RNASE11: variants seen among roughly 807,000 people sequenced by gnomAD.
The protein encoded by RNASE11 is ribonuclease A family member 11 (inactive), also known as putative inactive ribonuclease 11.
For missense variants in RNASE11, 252 were observed against 237.8 expected, an observed-to-expected ratio of 1.06 and a Z score of -0.39; for synonymous variants, 105 against 86.1, an observed-to-expected ratio of 1.22 and a Z score of -1.21.
At chr14:20,584,646 A>G in intron 1 of RNASE11, 150 bp from the exon 3 acceptor site, 3 of 582,660 alleles carry the variant, frequency 5.1e-6, no homozygotes, top group African/African-American at 1.9e-5. Context: ...TAGAAAGACA[A>G]TCAGCTGTGG....
At chr14:20,584,215 T>C (rs774170648) in exon 2 of RNASE11, 4 of 1,614,220 alleles carry the variant, frequency 2.5e-6, no homozygotes, top group Non-Finnish European at 2.5e-6. Context: ...ACTGTTTCCC[T>C]TGGGGTCATT....
chr14:20,587,796 T>A, upstream of RNASE11: 4 of 985,478 alleles, frequency 4.1e-6, no homozygotes, highest in Non-Finnish European at 3.6e-6. Context: ...CCCTCCTAAA[T>A]CTGATCAATC....
chr14:20,587,461 A>C, intron 1 of RNASE11, 102 bp downstream of exon 2: 1 of 454,168 alleles, frequency 2.2e-6, no homozygotes, highest in South Asian at 9.2e-5. Context: ...AATTCAGAAA[A>C]TAGATGTAGG....
chr14:20,584,363 C>T (rs752344910), exon 2 of RNASE11: 8 of 1,614,126 alleles, frequency 5.0e-6, no homozygotes, highest in Non-Finnish European at 6.8e-6. Context: ...TTTGCCATGT[C>T]ATATTGCATC....
At position 20,584,512 on chromosome 14, in the gene RNASE11, T is replaced by TA; in HGVS notation, c.-22-17dup. 6.6e-7 allele frequency: 1 copy of TA among 1,520,668 alleles called. No individual in the cohort carries two copies. The highest frequency in any genetic ancestry group is 8.8e-7 in the Non-Finnish European group (1 of 1,138,300). The allele number at this position is 1,520,668 out of a possible 1,614,324, so 94.2% of individuals were successfully genotyped here. On this transcript the variant is annotated splice_polypyrimidine_tract_variant and intron_variant, in intron 1 of 1. Coordinates refer to ENST00000553849, the Ensembl canonical transcript of RNASE11. Reference sequence around the variant, plus strand: ...GTAATCTCTTCTGCAGTAAAGACAATAAATGAAAGATAAAATAAGAAGATT... The same window carrying TA: ...GTAATCTCTTCTGCAGTAAAGACAATAAAATGAAAGATAAAATAAGAAGATT...
intron 1 of RNASE11, among the ~76,000 whole-genome samples, 200 bp from the exon 3 acceptor site, chr14:20,584,696 A>G (rs1474025620): frequency 1.3e-5 from 2 of 152,310 alleles, no homozygotes; most frequent in African/African-American, 4.8e-5. Flanking sequence ...TTTTCTGCTT[A>G]TAATTTATTC....
chr14:20,585,639 G>C (rs1884419124), intron 1 of RNASE11, among the ~76,000 whole-genome samples: 1 of 152,196 alleles, frequency 6.6e-6, no homozygotes, highest in Admixed American at 6.5e-5. Flanking sequence ...TAGTGCTAAA[G>C]AGTAGATGTT....
downstream of RNASE11, chr14:20,583,448 G>C (rs1468877828): frequency 5.8e-6 from 1 of 171,842 alleles, no homozygotes. Flanking sequence ...ACCCTTTGAA[G>C]AGAGTAGTGA....
At chr14:20,588,890 G>A (rs989781354), upstream of RNASE11, among the ~76,000 whole-genome samples, 5 of 151,630 alleles carry the variant, frequency 3.3e-5, no homozygotes, top group African/African-American at 7.3e-5. Flanking sequence ...AGGTTCAAGC[G>A]CTCCTCCTGT....
upstream of RNASE11, chr14:20,587,856 G>T (rs2138894237): frequency 1.0e-6 from 1 of 985,212 alleles, no homozygotes; most frequent in South Asian, 4.7e-5. Context: ...TAGCGTAAGT[G>T]CACCTTCTTC....
At chr14:20,589,214 A>T (rs1884505230), upstream of RNASE11, among the ~76,000 whole-genome samples, 2 of 151,608 alleles carry the variant, frequency 1.3e-5, no homozygotes, top group Non-Finnish European at 2.9e-5. Flanking sequence ...GTCAGATTGG[A>T]TCTTCAAAAT....
At chr14:20,588,846 G>A (rs1307147105), upstream of RNASE11, among the ~76,000 whole-genome samples, 2 of 152,172 alleles carry the variant, frequency 1.3e-5, no homozygotes, top group African/African-American at 4.8e-5. Flanking sequence ...GAGTGCAATG[G>A]CATGATCTCG....
upstream of RNASE11, among the ~76,000 whole-genome samples, chr14:20,589,771 C>T (rs1381089529): frequency 6.6e-6 from 1 of 151,966 alleles, no homozygotes; most frequent in Non-Finnish European, 1.5e-5. Context: ...CCTGTAATCC[C>T]AGCTACTTGG....
At chr14:20,589,787 T>A (rs534989952), upstream of RNASE11, among the ~76,000 whole-genome samples, 52 of 152,098 alleles carry the variant, frequency 3.4e-4, no homozygotes, top group Middle Eastern at 3.4e-3. Flanking sequence ...CTTGGGAGGC[T>A]GAGGAAGGAG....
At chr14:20,585,539 C>T (rs1884417293) in intron 1 of RNASE11, among the ~76,000 whole-genome samples, 2 of 152,174 alleles carry the variant, frequency 1.3e-5, no homozygotes, top group African/African-American at 4.8e-5. Flanking sequence ...AGAATCTGCA[C>T]TCCAGGATCA....
At chr14:20,589,137 TTAAATACCAGGA>T, upstream of RNASE11, among the ~76,000 whole-genome samples, 1 of 146,728 alleles carries the variant, frequency 6.8e-6, no homozygotes, top group South Asian at 2.2e-4. Context: ...TGTTAAAATT[TTAAATACCAGGA>T]TCTGGCCCTG....
intron 1 of RNASE11, among the ~76,000 whole-genome samples, chr14:20,586,883 C>T (rs1884445218): frequency 6.6e-6 from 1 of 152,238 alleles, no homozygotes; most frequent in South Asian, 2.1e-4. Flanking sequence ...GGCACAGTCA[C>T]TCATGCCTGT....
chr14:20,584,972 C>G, intron 1 of RNASE11: 1 of 642,144 alleles, frequency 1.6e-6, no homozygotes, highest in Non-Finnish European at 1.9e-6. Flanking sequence ...TTGCCATTTC[C>G]CCATCTCTCA....
chr14:20,584,290 G>T, exon 2 of RNASE11: 1 of 1,614,108 alleles, frequency 6.2e-7, no homozygotes, highest in South Asian at 1.1e-5. Context: ...GCTGAGGCTG[G>T]TATTTTTAAC....
Sources: gnomAD v4.1 joint callset for allele counts (sites outside exome capture counted in the v4.1 genomes callset) on GRCh38, gnomAD v4.1.1 for gene constraint, MANE v1.5 for transcripts, NCBI Gene and HGNC (gene_info 2026-07-23, HGNC 2026-07-21) for gene names.